WDR27: variants seen among roughly 807,000 people sequenced by gnomAD.
WDR27 encodes the protein WD repeat domain 27.
Under a neutral mutation model 114.4 loss-of-function variants are expected in WDR27, and 100 were observed. The observed-to-expected ratio is 0.87, with a 90% CI of 0.74 to 1.03. The LOEUF (loss-of-function observed/expected upper bound fraction) is 1.03. Among genes scored for constraint, WDR27 ranks in the 50% least tolerant of loss-of-function variants. The probability of loss-of-function intolerance (pLI) is 0.00; values close to 1 mark genes in which losing one functional copy is unlikely to be tolerated. For synonymous variants in WDR27, 449 were observed against 423.1 expected (o/e 1.06, Z -0.75); for missense variants, 1,129 against 1,092.9 (o/e 1.03, Z -0.47).
chr6:169,585,412 C>A (rs919644397), intron 23 of WDR27, among the ~76,000 whole-genome samples: 1 of 152,114 alleles, frequency 6.6e-6, no homozygotes, highest in Non-Finnish European at 1.5e-5. Flanking sequence ...AATGACTAAG[C>A]AGGTTTTGAA....
chr6:169,608,331 C>T (rs1415273179), intron 22 of WDR27, among the ~76,000 whole-genome samples: 1 of 152,074 alleles, frequency 6.6e-6, no homozygotes, highest in Non-Finnish European at 1.5e-5. Context: ...AATCTAAGTG[C>T]CCATCGACCA....
intron 25 of WDR27, among the ~76,000 whole-genome samples, chr6:169,511,184 G>GAGGAGCCTT (rs983487476): frequency 1.3e-5 from 2 of 152,180 alleles, no homozygotes; most frequent in African/African-American, 4.8e-5. Context: ...AGCTGCCTTT[G>GAGGAGCCTT]AGGAGCCTTT....
intron 23 of WDR27, among the ~76,000 whole-genome samples, chr6:169,583,806 G>A (rs1190059328): frequency 1.3e-5 from 2 of 151,992 alleles, no homozygotes; most frequent in East Asian, 3.9e-4. Context: ...TTTGAAGTTT[G>A]CAATATGATT....
chr6:169,451,381 A>C, the WDR27 span, among the ~76,000 whole-genome samples: 1 of 152,156 alleles, frequency 6.6e-6, no homozygotes, highest in South Asian at 2.1e-4. Flanking sequence ...TATAAAACCA[A>C]GCTGTTCCCC....
In WDR27 at chr6:169,662,353, T is replaced by G. The variant is rs1336093812; in HGVS notation, c.976A>C (p.Arg326=). 21 of 1,613,904 alleles carry G rather than the reference T, an allele frequency of 1.3e-5. No homozygotes were observed. Among genetic ancestry groups the G allele is most frequent in the Non-Finnish European group, 1.8e-5 (21 of 1,179,892 alleles). Residue 326 remains arginine (R), a synonymous_variant, in exon 9 of 26, where the codon AGA becomes CGA. Coordinates refer to ENST00000448612, the MANE Select transcript of WDR27 (RefSeq NM_182552.5). ...AGTGAGAGATCACAGGGTGCAAGTC[T>G]CAGTACAGGAAATGTTACTTCAACC... ...EQVEVTFPVL[R]LAPCDLSLIP...
At chr6:169,637,881 CGTATGTGTATGCATCT>C (rs1818054279) in intron 18 of WDR27, among the ~76,000 whole-genome samples, 1 of 149,464 alleles carries the variant, frequency 6.7e-6, no homozygotes, top group Non-Finnish European at 1.5e-5. Context: ...TGTAAGTGTG[CGTATGTGTATGCATCT>C]ATATGCGTGT....
At chr6:169,540,500 G>A (rs959242456) in intron 25 of WDR27, among the ~76,000 whole-genome samples, 1 of 151,736 alleles carries the variant, frequency 6.6e-6, no homozygotes, top group African/African-American at 2.4e-5. Flanking sequence ...CGAGATCTCG[G>A]CTCACTGCAA....
At chr6:169,495,350 G>A (rs890314284) in intron 25 of WDR27, among the ~76,000 whole-genome samples, 1 of 151,864 alleles carries the variant, frequency 6.6e-6, no homozygotes. Flanking sequence ...TAAACAAGAA[G>A]ATTCTTAGAT....
chr6:169,429,883 AT>A, the WDR27 span, among the ~76,000 whole-genome samples: 2 of 152,134 alleles, frequency 1.3e-5, no homozygotes, highest in Non-Finnish European at 2.9e-5. Flanking sequence ...GTAGTGTCCT[AT>A]TTCCAAGCAA....
chr6:169,615,010 T>C (rs985496801), intron 21 of WDR27, among the ~76,000 whole-genome samples: 2 of 151,496 alleles, frequency 1.3e-5, no homozygotes, highest in African/African-American at 4.9e-5. Flanking sequence ...AGGTAAACTT[T>C]TAAAAAATGT....
At chr6:169,443,475 C>T in the WDR27 span, among the ~76,000 whole-genome samples, 1 of 152,156 alleles carries the variant, frequency 6.6e-6, no homozygotes, top group Non-Finnish European at 1.5e-5. Flanking sequence ...GCTGTGTGTA[C>T]ATTTTATTTT....
chr6:169,624,770 T>C (rs1274403878), intron 21 of WDR27, among the ~76,000 whole-genome samples: 1 of 152,156 alleles, frequency 6.6e-6, no homozygotes, highest in Non-Finnish European at 1.5e-5. Context: ...CTGTGACTGA[T>C]GCCTGGCCCA....
At chr6:169,580,681 A>G (rs1010480743) in intron 24 of WDR27, among the ~76,000 whole-genome samples, 21 of 152,100 alleles carry the variant, frequency 1.4e-4, no homozygotes, top group African/African-American at 4.8e-4. Context: ...TCCTGAGAAA[A>G]TTTAAGTGAT....
chr6:169,605,042 C>G (rs116514241), intron 22 of WDR27, among the ~76,000 whole-genome samples: 1 of 142,150 alleles, frequency 7.0e-6, no homozygotes, highest in Non-Finnish European at 1.5e-5. Flanking sequence ...TGGAACAAGA[C>G]AAGGATGCCC....
Position 169,529,310 on chromosome 6 carries a change from T to TGCG in WDR27, c.2645+43106_2645+43108dup, listed in dbSNP as rs1554281607. Among the ~76,000 whole-genome samples, 8 of 16,190 alleles carry TGCG rather than the reference T, an allele frequency of 4.9e-4. No homozygotes were observed. The South Asian group carries it at 7.2e-3, about 15-fold the overall frequency. The allele number at this position is 16,190 out of a possible 152,430, so 10.6% of individuals were successfully genotyped here. On this transcript the variant is annotated intron_variant, in intron 25 of 25. Coordinates refer to ENST00000448612, the MANE Select transcript of WDR27 (RefSeq NM_182552.5). ...CTAGCACGTTAACGGTGGTGACCTC[T>TGCG]GCGGGGGGGGGGGGCAGCTAATGCT...
chr6:169,567,052 T>TCTG, intron 25 of WDR27, among the ~76,000 whole-genome samples: 2 of 152,320 alleles, frequency 1.3e-5, no homozygotes, highest in East Asian at 3.9e-4. Flanking sequence ...AACAACGATG[T>TCTG]CTGCGTGCCC....
At chr6:169,633,799 C>T (rs1817025176) in intron 20 of WDR27, among the ~76,000 whole-genome samples, 1 of 152,192 alleles carries the variant, frequency 6.6e-6, no homozygotes, top group Non-Finnish European at 1.5e-5. Context: ...CTTATTTCTG[C>T]TAGGTATTTT....
intron 2 of WDR27, among the ~76,000 whole-genome samples, chr6:169,686,638 C>A (rs1783028482): frequency 6.6e-6 from 1 of 152,064 alleles, no homozygotes; most frequent in African/African-American, 2.4e-5. Context: ...AAACAGACAT[C>A]AAGTTAAAAG....
Position 169,684,636 on chromosome 6 carries a change from G to A in WDR27, c.189+4181C>T, listed in dbSNP as rs1157502380. 2.0e-5 allele frequency among the ~76,000 whole-genome samples: 3 copies of A among 152,208 alleles called. No individual in the cohort carries two copies. Among genetic ancestry groups the A allele is most frequent in the Non-Finnish European group, 4.4e-5 (3 of 68,044 alleles). On this transcript the variant is annotated intron_variant, in intron 2 of 25. Transcript: ENST00000448612. This position sits in a 1 kb window ranked among gnomAD's most constrained non-coding sequence, Gnocchi z 4.3. ...AAGCAGCCATAAGCTGTGTGACTAT[G>A]TCCTGGGACTGAGAAGCAGTCCTGT...
Sources: gnomAD v4.1 joint callset for allele counts (sites outside exome capture counted in the v4.1 genomes callset) on GRCh38, gnomAD v4.1.1 for gene constraint, Gnocchi (gnomAD v3.1) non-coding constraint, MANE v1.5 for transcripts, NCBI Gene and HGNC (gene_info 2026-07-23, HGNC 2026-07-21) for gene names.